Variants in DMD observed in about 807,000 individuals in gnomAD.
The protein encoded by DMD is mutant dystrophin.
DMD carries 63 observed loss-of-function variants against 330.1 expected under a neutral mutation model. The observed-to-expected ratio is 0.19, with a 90% CI of 0.16 to 0.24. DMD has a LOEUF of 0.24. Ranked by LOEUF, DMD falls within the 10% of genes least tolerant of loss-of-function variation. The probability of loss-of-function intolerance (pLI) is 1.00; values close to 1 mark genes in which losing one functional copy is unlikely to be tolerated. For synonymous variants in DMD, 1,223 were observed against 959.8 expected, an observed-to-expected ratio of 1.27 and a Z score of -5.07; for missense variants, 3,344 against 2,684.1, an observed-to-expected ratio of 1.25 and a Z score of -5.43.
chrX:31,721,684 CACTCTCTCTCTCTCTCTCT>C (rs2085511358), intron 52 of DMD, among the ~76,000 whole-genome samples: 53 of 68,507 alleles, frequency 7.7e-4, no homozygotes, highest in African/African-American at 2.6e-3. Context: ...CTCTCTCTCT[CACTCTCTCTCTCTCTCTCT>C]CTCTCTCTCT....
intron 1 of DMD, among the ~76,000 whole-genome samples, chrX:33,250,551 C>A (rs1378624004): frequency 1.8e-5 from 2 of 110,833 alleles, no homozygotes; most frequent in Admixed American, 2.0e-4. Context: ...TATACAAAAC[C>A]ATTACAAATC....
chrX:32,327,053 T>C lies in DMD; in HGVS notation c.5922+15047A>G, dbSNP rs144667978. On this transcript the variant is annotated intron_variant, in intron 41 of 78. Coordinates refer to ENST00000357033, the MANE Select transcript of DMD (RefSeq NM_004006.3). ...CCATCCCTCCCTCTCTCATCTGTGT[T>C]GCCCTGTGCTAAATTATTTCCCCAA... Among the ~76,000 whole-genome samples the C allele has an allele frequency of 3.1e-3, 341 of 110,488 alleles. 11 individuals are homozygous for C. The East Asian group carries it at 0.083, about 27-fold the overall frequency.
intron 13 of DMD, among the ~76,000 whole-genome samples, chrX:32,586,018 G>T (rs1263751101): frequency 9.0e-6 from 1 of 110,788 alleles, no homozygotes; most frequent in Non-Finnish European, 1.9e-5. Flanking sequence ...CATTGGCTTT[G>T]GATGTTCAAA....
At chrX:31,582,526 G>T (rs984756993) in intron 55 of DMD, among the ~76,000 whole-genome samples, 7 of 112,092 alleles carry the variant, frequency 6.2e-5, no homozygotes, top group Non-Finnish European at 1.3e-4. Flanking sequence ...CTCTGGCTGA[G>T]GAAGTGATGC....
chrX:32,883,079 G>C (rs1018346864), intron 2 of DMD, among the ~76,000 whole-genome samples: 1 of 111,931 alleles, frequency 8.9e-6, no homozygotes, highest in Non-Finnish European at 1.9e-5. Context: ...GATGGAAACA[G>C]GATGGTATAG....
intron 47 of DMD, among the ~76,000 whole-genome samples, chrX:31,889,331 T>A (rs989087646): frequency 9.0e-6 from 1 of 111,015 alleles, no homozygotes; most frequent in African/African-American, 3.3e-5. Flanking sequence ...TATACGTGAG[T>A]ACATGGATAA....
chrX:32,951,931 G>C (rs1040530755), intron 2 of DMD, among the ~76,000 whole-genome samples: 1 of 110,643 alleles, frequency 9.0e-6, no homozygotes, highest in African/African-American at 3.3e-5. Context: ...TTTTATATTT[G>C]ACATCTCCTC....
At chrX:31,918,437 G>C (rs2094639101) in intron 47 of DMD, among the ~76,000 whole-genome samples, 1 of 110,855 alleles carries the variant, frequency 9.0e-6, no homozygotes, top group African/African-American at 3.3e-5. Flanking sequence ...AAGGTGGAAC[G>C]GTGGCACTCA....
At chrX:32,601,403 T>G (rs1046950643) in intron 12 of DMD, among the ~76,000 whole-genome samples, 10 of 111,840 alleles carry the variant, frequency 8.9e-5, no homozygotes, top group African/African-American at 3.2e-4. Flanking sequence ...AATGAATGTT[T>G]ATGTTTCTGC....
intron 13 of DMD, among the ~76,000 whole-genome samples, chrX:32,577,963 T>C (rs1419269487): frequency 8.9e-6 from 1 of 112,448 alleles, no homozygotes; most frequent in African/African-American, 3.2e-5. Context: ...ATTTATGGAT[T>C]TACCTATTTA....
intron 6 of DMD, 38 bp from the exon 7 acceptor site, chrX:32,809,649 A>T: frequency 9.3e-7 from 1 of 1,079,059 alleles, no homozygotes; most frequent in Non-Finnish European, 1.3e-6. Context: ...ACAAAGACAA[A>T]TATAAATCAA....
At chrX:32,630,576 ATTCT>A (rs2058666327) in intron 11 of DMD, among the ~76,000 whole-genome samples, 1 of 111,253 alleles carries the variant, frequency 9.0e-6, no homozygotes, top group Non-Finnish European at 1.9e-5. Flanking sequence ...CTTCAAGCTA[ATTCT>A]TTCTCCTGCT....
At chrX:31,768,822 G>A (rs1251839226) in intron 51 of DMD, among the ~76,000 whole-genome samples, 2 of 111,613 alleles carry the variant, frequency 1.8e-5, no homozygotes, top group Admixed American at 1.9e-4. Context: ...ACTTCTAAAG[G>A]CTTAATTTGC....
chrX:32,902,687 G>C (rs1475806090), intron 2 of DMD, among the ~76,000 whole-genome samples: 1 of 110,388 alleles, frequency 9.1e-6, no homozygotes, highest in Non-Finnish European at 1.9e-5. Context: ...GATTAGATTT[G>C]CAAAGCAAGA....
At chrX:32,911,741 T>G (rs1012735331) in intron 2 of DMD, among the ~76,000 whole-genome samples, 7 of 111,726 alleles carry the variant, frequency 6.3e-5, no homozygotes, top group African/African-American at 1.9e-4. Flanking sequence ...GCAGAATTTT[T>G]AAGTTCGTGA....
chrX:31,979,456 T>G (rs2095460858), intron 44 of DMD, among the ~76,000 whole-genome samples: 1 of 112,535 alleles, frequency 8.9e-6, no homozygotes, highest in South Asian at 3.6e-4. Context: ...AGTTAATTTG[T>G]TCTTTTTACT....
At chrX:32,347,713 G>A (rs1432433215) in intron 38 of DMD, among the ~76,000 whole-genome samples, 3 of 111,375 alleles carry the variant, frequency 2.7e-5, no homozygotes, top group Non-Finnish European at 5.7e-5. Context: ...TGAAAGAGGG[G>A]AAAAAATTGT....
intron 1 of DMD, among the ~76,000 whole-genome samples, chrX:33,098,190 A>G (rs886359645): frequency 8.9e-6 from 1 of 111,838 alleles, no homozygotes; most frequent in Admixed American, 9.6e-5. Flanking sequence ...CTGTTCAGAA[A>G]GATTCATCCC....
At chrX:32,117,554 C>T (rs2096616223) in intron 44 of DMD, among the ~76,000 whole-genome samples, 1 of 111,721 alleles carries the variant, frequency 9.0e-6, no homozygotes, top group Non-Finnish European at 1.9e-5. Flanking sequence ...TTCTTACTGC[C>T]ATGCTCATGT....
Sources: gnomAD v4.1 joint callset for allele counts (sites outside exome capture counted in the v4.1 genomes callset) on GRCh38, gnomAD v4.1.1 for gene constraint, MANE v1.5 for transcripts, NCBI Gene and HGNC (gene_info 2026-07-23, HGNC 2026-07-21) for gene names.